DCP1B: variants seen among roughly 807,000 people sequenced by gnomAD.
DCP1B encodes the protein mRNA-decapping enzyme 1B.
DCP1B carries 47 observed loss-of-function variants against 60.5 expected under a neutral mutation model. That is an observed-to-expected ratio of 0.78 (90% CI 0.61 to 0.99). The LOEUF is 0.99. Among genes scored for constraint, DCP1B ranks in the 50% least tolerant of loss-of-function variants. The pLI is 0.00. For synonymous variants in DCP1B, 267 were observed against 280.3 expected, an observed-to-expected ratio of 0.95 and a Z score of 0.47; for missense variants, 725 against 756.8, an observed-to-expected ratio of 0.96 and a Z score of 0.49.
At position 1,951,800 on chromosome 12, in the gene DCP1B, A is replaced by T. The variant is rs372198556; in HGVS notation, c.1524+616T>A. On this transcript the variant is annotated intron_variant, in intron 7 of 8. Coordinates refer to ENST00000280665, the MANE Select transcript of DCP1B (RefSeq NM_152640.5). Reference sequence around the variant, plus strand: ...GTAAGTGCTCAAAAATATTTACTAAATAAGTGAATAATTTACTGTGGACTG... The same window carrying T: ...GTAAGTGCTCAAAAATATTTACTAATTAAGTGAATAATTTACTGTGGACTG... 4.6e-5 allele frequency among the ~76,000 whole-genome samples: 7 copies of T among 152,350 alleles called. 1 individual carries two copies. Among genetic ancestry groups the T allele is most frequent in the African/African-American group, 1.7e-4 (7 of 41,582 alleles).
chr12:1,987,903 C>T lies in DCP1B; in HGVS notation c.319+5361G>A, dbSNP rs557543869. On this transcript the variant is annotated intron_variant, in intron 3 of 8. Transcript: ENST00000280665. Reference sequence around the variant, plus strand: ...TCTCCCTCCCCCTTAGTTTTCAATGCTCCTCATATCATCACCAAACTCTTA... The same window carrying T: ...TCTCCCTCCCCCTTAGTTTTCAATGTTCCTCATATCATCACCAAACTCTTA... Among the ~76,000 whole-genome samples the T allele has an allele frequency of 5.1e-4, 77 of 152,282 alleles. 1 individual carries two copies. Among genetic ancestry groups the T allele is most frequent in the Admixed American group, 2.9e-3 (44 of 15,294 alleles).
intron 3 of DCP1B, among the ~76,000 whole-genome samples, chr12:1,983,640 C>T (rs371979606): frequency 2.6e-5 from 4 of 151,966 alleles, no homozygotes; most frequent in African/African-American, 7.2e-5. Context: ...TTATGACCTA[C>T]GATAAGGTTT....
At chr12:1,969,937 G>A (rs1421750790) in intron 3 of DCP1B, among the ~76,000 whole-genome samples, 3 of 152,150 alleles carry the variant, frequency 2.0e-5, no homozygotes, top group African/African-American at 7.2e-5. Context: ...GGAGAAAGAT[G>A]GCAGTAAGGG....
chr12:1,945,900 G>T (rs1323547194), downstream of DCP1B, among the ~76,000 whole-genome samples: 1 of 152,118 alleles, frequency 6.6e-6, no homozygotes, highest in Non-Finnish European at 1.5e-5. Context: ...GGGGACTAGG[G>T]GAGGAAGCGC....
In DCP1B at chr12:1,946,129, A is replaced by G. The variant is rs992960615; in HGVS notation, c.*77T>C. On this transcript the variant is annotated 3_prime_UTR_variant, in exon 9 of 9. Coordinates refer to ENST00000280665, the MANE Select transcript of DCP1B (RefSeq NM_152640.5). ...TAAAAAAGGCAGAAACATTGAAGGA[A>G]ACAACACTCAACATGAAAGAACCTT... 3.7e-5 allele frequency: 43 copies of G among 1,151,218 alleles called. No homozygotes were observed. The highest frequency in any genetic ancestry group is 5.2e-5 in the Non-Finnish European group (43 of 825,380). The allele number at this position is 1,151,218 out of a possible 1,614,324, so 71.3% of individuals were successfully genotyped here.
chr12:1,996,288 T>G (rs2040771226), intron 2 of DCP1B, among the ~76,000 whole-genome samples: 1 of 152,072 alleles, frequency 6.6e-6, no homozygotes, highest in Non-Finnish European at 1.5e-5. Flanking sequence ...GAAAATAATC[T>G]CAAAATCCAG....
intron 8 of DCP1B, 34 bp downstream of exon 8, chr12:1,949,052 G>C (rs1267890536): frequency 6.3e-7 from 1 of 1,598,768 alleles, no homozygotes; most frequent in African/African-American, 1.3e-5. Flanking sequence ...AACAGGCGTG[G>C]TCAGGTGCGA....
chr12:2,000,008 T>C (rs555060597), intron 1 of DCP1B, among the ~76,000 whole-genome samples: 1 of 152,196 alleles, frequency 6.6e-6, no homozygotes, highest in African/African-American at 2.4e-5. Context: ...TGCTGACAAA[T>C]GTATATCCTG....
intron 3 of DCP1B, among the ~76,000 whole-genome samples, chr12:1,982,999 T>A (rs1347333926): frequency 1.1e-4 from 17 of 152,224 alleles, no homozygotes; most frequent in Admixed American, 1.1e-3. Flanking sequence ...TTAATTCTGA[T>A]GATTTGTATT....
chr12:1,946,104 T>TA lies in DCP1B; in HGVS notation c.*101dup, dbSNP rs201514079. 7.6e-3 allele frequency: 7,053 copies of TA among 927,952 alleles called. 369 individuals carry two copies. In the African/African-American group the frequency reaches 0.11, roughly 14 times the overall value. 57.5% of individuals were successfully genotyped at this position (927,952 alleles called of 1,614,324 possible). On this transcript the variant is annotated 3_prime_UTR_variant, in exon 9 of 9. Transcript: ENST00000280665. ...CTTCATATTACACATACTTTTTTTT[T>TA]AAAAAAGGCAGAAACATTGAAGGAA...
At chr12:1,943,174 T>C (rs888577238), downstream of DCP1B, among the ~76,000 whole-genome samples, 3 of 152,160 alleles carry the variant, frequency 2.0e-5, no homozygotes, top group African/African-American at 7.2e-5. Context: ...AACACCTCTA[T>C]GCAAATAAAC....
intron 2 of DCP1B, among the ~76,000 whole-genome samples, chr12:1,996,188 C>A (rs983182776): frequency 6.6e-6 from 1 of 152,146 alleles, no homozygotes; most frequent in Non-Finnish European, 1.5e-5. Flanking sequence ...AGAACTAGTG[C>A]GTCCCCATGA....
At chr12:1,992,912 G>A (rs916310132) in intron 3 of DCP1B, 54 of 535,406 alleles carry the variant, frequency 1.0e-4, no homozygotes, top group African/African-American at 6.3e-4. Flanking sequence ...TTAATTCTTC[G>A]TTCAGGGAGC....
intron 3 of DCP1B, chr12:1,992,183 C>A: frequency 5.8e-6 from 1 of 170,976 alleles, no homozygotes. Context: ...CAAAACTTTT[C>A]ATTTCACAGG....
At chr12:1,952,340 C>CTT (rs35978908) in intron 7 of DCP1B, 76 bp downstream of exon 7, 45,705 of 1,304,828 alleles carry the variant, frequency 0.035, 2 homozygotes, top group East Asian at 0.047. Context: ...AGCCTGGCTA[C>CTT]TTTTTTTTTT....
chr12:1,996,842 T>C (rs1478705948), intron 2 of DCP1B, among the ~76,000 whole-genome samples: 1 of 152,034 alleles, frequency 6.6e-6, no homozygotes, highest in African/African-American at 2.4e-5. Context: ...CTATCCTGTA[T>C]TGTGGCTTAC....
chr12:1,952,586 A>G lies in DCP1B; in HGVS notation c.1354T>C (p.Leu452=), dbSNP rs1261004302. 2 of 1,613,970 alleles carry G rather than the reference A, an allele frequency of 1.2e-6. No individual in the cohort carries two copies. The highest frequency in any genetic ancestry group is 2.2e-5 in the East Asian group (1 of 44,858). ...TGTACAATCTGAAGCTTCTTCAGTA[A>G]CTCTTGAGGGGAGATCACTCCAGAG... The part of the protein sequence containing the change: ...GSSGVISPQE[L]LKKLQIVQQE... Residue 452 remains leucine, a synonymous_variant, in exon 7 of 9, where the codon TTA becomes CTA. Coordinates refer to ENST00000280665, the MANE Select transcript of DCP1B (RefSeq NM_152640.5).
chr12:1,993,825 T>C (rs548621916), intron 2 of DCP1B, among the ~76,000 whole-genome samples: 3 of 152,310 alleles, frequency 2.0e-5, no homozygotes, highest in East Asian at 1.9e-4. Context: ...ATCACAATTA[T>C]ATGAAGAAAA....
At chr12:1,956,966 A>G (rs1184656581) in intron 5 of DCP1B, among the ~76,000 whole-genome samples, 1 of 152,210 alleles carries the variant, frequency 6.6e-6, no homozygotes, top group Non-Finnish European at 1.5e-5. Context: ...GTTGATATGA[A>G]TAAGCCTGAT....
Sources: gnomAD v4.1 joint callset for allele counts (sites outside exome capture counted in the v4.1 genomes callset) on GRCh38, gnomAD v4.1.1 for gene constraint, MANE v1.5 for transcripts, NCBI Gene and HGNC (gene_info 2026-07-23, HGNC 2026-07-21) for gene names.